Variants in PREX2 observed in about 807,000 individuals in gnomAD.
PREX2 encodes phosphatidylinositol 3,4,5-trisphosphate-dependent Rac exchanger 2 protein.
Under a neutral mutation model 203.2 loss-of-function variants are expected in PREX2, and 107 were observed. That is an observed-to-expected ratio of 0.53 (90% CI 0.45 to 0.62). The LOEUF (loss-of-function observed/expected upper bound fraction) is 0.62. Among genes scored for constraint, PREX2 ranks in the 20% least tolerant of loss-of-function variants. The pLI is 0.00. For synonymous variants in PREX2, 672 were observed against 663.6 expected, an observed-to-expected ratio of 1.01 and a Z score of -0.19; for missense variants, 1,777 against 1,955.9, an observed-to-expected ratio of 0.91 and a Z score of 1.72.
chr8:68,106,257 A>G (rs1360884475), intron 23 of PREX2: 7 of 489,344 alleles, frequency 1.4e-5, no homozygotes, highest in Non-Finnish European at 2.4e-5. Context: ...TGAGACTTTT[A>G]TCCTGCAATA....
chr8:68,167,147 A>G (rs1294348514), intron 35 of PREX2, among the ~76,000 whole-genome samples: 1 of 152,100 alleles, frequency 6.6e-6, no homozygotes, highest in Non-Finnish European at 1.5e-5. Context: ...CTTCCAAATA[A>G]TAATTTTAAG....
At chr8:68,169,060 G>A (rs1004660289) in intron 35 of PREX2, among the ~76,000 whole-genome samples, 60 of 152,080 alleles carry the variant, frequency 3.9e-4, no homozygotes, top group African/African-American at 1.4e-3. Flanking sequence ...GCCACTTCAG[G>A]CACAGCTCTA....
intron 35 of PREX2, among the ~76,000 whole-genome samples, chr8:68,171,048 A>G (rs1275460423): frequency 6.6e-6 from 1 of 152,194 alleles, no homozygotes; most frequent in African/African-American, 2.4e-5. Context: ...AAAATAGTAA[A>G]ATGAGATAAA....
intron 23 of PREX2, chr8:68,106,210 T>G (rs1810407287): frequency 2.0e-5 from 9 of 439,844 alleles, no homozygotes; most frequent in South Asian, 3.5e-5. Flanking sequence ...CTAATAACAT[T>G]GATTTCAGTG....
In PREX2 at chr8:67,955,004, C is replaced by T. The variant is rs528017030; in HGVS notation, c.141+2469C>T. 9.2e-5 allele frequency among the ~76,000 whole-genome samples: 14 copies of T among 151,822 alleles called. No individual in the cohort carries two copies. In the South Asian group the frequency reaches 2.7e-3, roughly 29 times the overall value. ...CTAAAAATACAAAAAATTAGCCGGG[C>T]GTGGTGGTGGACACCTTTAATCCCA... On this transcript the variant is annotated intron_variant, in intron 1 of 39. Transcript: ENST00000288368.
At chr8:67,961,621 CTAA>C (rs1470544234) in intron 1 of PREX2, among the ~76,000 whole-genome samples, 2 of 151,994 alleles carry the variant, frequency 1.3e-5, no homozygotes, top group African/African-American at 4.8e-5. Flanking sequence ...GATGATACAT[CTAA>C]TAATAACTGC....
intron 37 of PREX2, among the ~76,000 whole-genome samples, chr8:68,193,892 T>C (rs893081997): frequency 7.2e-5 from 11 of 152,356 alleles, no homozygotes; most frequent in Admixed American, 3.3e-4. Context: ...TTTCAGGCCC[T>C]ATGCAGCATG....
chr8:68,229,284 G>A (rs7835417), intron 39 of PREX2, among the ~76,000 whole-genome samples: 2 of 152,130 alleles, frequency 1.3e-5, no homozygotes, highest in Non-Finnish European at 2.9e-5. Context: ...AACCTTTTTC[G>A]TGCAGGGCCA....
chr8:68,069,722 A>C, intron 12 of PREX2, 113 bp from the exon 13 acceptor site: 1 of 551,442 alleles, frequency 1.8e-6, no homozygotes. Flanking sequence ...ATTGGTTTAG[A>C]TTTTGTGATG....
At chr8:68,198,443 C>T (rs1435688754) in intron 37 of PREX2, among the ~76,000 whole-genome samples, 1 of 152,156 alleles carries the variant, frequency 6.6e-6, no homozygotes, top group African/African-American at 2.4e-5. Context: ...GTTATTGTGG[C>T]AGGCAATCAA....
intron 6 of PREX2, 83 bp downstream of exon 6, chr8:68,030,741 C>A: frequency 7.6e-7 from 1 of 1,310,550 alleles, no homozygotes; most frequent in Admixed American, 1.8e-5. Flanking sequence ...TTGGATGGAA[C>A]CATAAATGGT....
rs932917616 is a variant in PREX2 at position 67,962,313 on chromosome 8, G to A, written c.141+9778G>A. Among the ~76,000 whole-genome samples the A allele has an allele frequency of 3.9e-5, 6 of 151,956 alleles. No individual in the cohort carries two copies. In the South Asian group the frequency reaches 1.2e-3, roughly 32 times the overall value. ...GGAGTTCCAGCCTTTTCTTATTTGAGACTGTTGCCCCAAAGAAAGAAATTT... is the reference window on the plus strand; with the variant it reads ...GGAGTTCCAGCCTTTTCTTATTTGAAACTGTTGCCCCAAAGAAAGAAATTT... On this transcript the variant is annotated intron_variant, in intron 1 of 39. Coordinates refer to ENST00000288368, the MANE Select transcript of PREX2 (RefSeq NM_024870.4).
intron 1 of PREX2, among the ~76,000 whole-genome samples, chr8:67,991,875 A>C (rs1806619429): frequency 6.6e-6 from 1 of 152,220 alleles, no homozygotes; most frequent in South Asian, 2.1e-4. Flanking sequence ...TTGATGTTTC[A>C]AAAAATAACC....
chr8:68,052,208 C>T (rs1406557775), intron 8 of PREX2, among the ~76,000 whole-genome samples: 1 of 152,176 alleles, frequency 6.6e-6, no homozygotes, highest in African/African-American at 2.4e-5. Context: ...TCAGGAGAGA[C>T]ACATGAAAAG....
At chr8:68,032,076 G>A (rs1807901256) in intron 6 of PREX2, among the ~76,000 whole-genome samples, 1 of 152,124 alleles carries the variant, frequency 6.6e-6, no homozygotes, top group South Asian at 2.1e-4. Flanking sequence ...GTATACACCA[G>A]TTACTCAAAG....
chr8:68,034,240 A>G (rs1474680751), intron 6 of PREX2, among the ~76,000 whole-genome samples: 1 of 152,164 alleles, frequency 6.6e-6, no homozygotes, highest in East Asian at 1.9e-4. Flanking sequence ...AACATTCAGA[A>G]CATTCTACAA....
intron 1 of PREX2, among the ~76,000 whole-genome samples, chr8:67,998,703 G>A (rs776077735): frequency 8.5e-5 from 13 of 152,294 alleles, no homozygotes; most frequent in Admixed American, 1.3e-4. Context: ...CCAGGAGTTT[G>A]AGGCTGCAGT....
chr8:67,981,720 C>A (rs1447547377), intron 1 of PREX2, among the ~76,000 whole-genome samples: 1 of 152,200 alleles, frequency 6.6e-6, no homozygotes, highest in East Asian at 1.9e-4. Context: ...GTGTAAAATA[C>A]AGATACTCTT....
At chr8:68,219,745 T>C (rs1186976481) in intron 38 of PREX2, among the ~76,000 whole-genome samples, 2 of 152,200 alleles carry the variant, frequency 1.3e-5, no homozygotes, top group East Asian at 3.9e-4. Context: ...CTGTCGCGGA[T>C]TCTCCTTCCA....
Sources: allele counts gnomAD v4.1 joint callset (sites outside exome capture counted in the v4.1 genomes callset), GRCh38; gene constraint gnomAD v4.1.1; transcripts MANE v1.5; gene names NCBI Gene and HGNC (gene_info 2026-07-23, HGNC 2026-07-21).